DYNC2I2: variants seen among roughly 807,000 people sequenced by gnomAD.
The protein encoded by DYNC2I2 is dynein 2 intermediate chain 2.
Under a neutral mutation model 52.0 loss-of-function variants are expected in DYNC2I2, and 39 were observed. The ratio of observed to expected loss-of-function variants is 0.75; its 90% CI spans 0.58 to 0.98. The LOEUF (loss-of-function observed/expected upper bound fraction) is 0.98, where lower values mean the gene tolerates loss of function less well. Ranked by LOEUF, DYNC2I2 falls within the 50% of genes least tolerant of loss-of-function variation. The probability of loss-of-function intolerance (pLI) is 0.00; values close to 1 mark genes in which losing one functional copy is unlikely to be tolerated. For missense variants in DYNC2I2, 743 were observed against 728.4 expected, an observed-to-expected ratio of 1.02 and a Z score of -0.23; for synonymous variants, 359 against 321.1, an observed-to-expected ratio of 1.12 and a Z score of -1.26.
the DYNC2I2 span, among the ~76,000 whole-genome samples, chr9:128,681,666 C>G: frequency 6.6e-6 from 1 of 152,140 alleles, no homozygotes; most frequent in African/African-American, 2.4e-5. Flanking sequence ...CTTAGTTGTA[C>G]CAATCTACCT....
At chr9:128,652,447 AAAAAG>A (rs1299343303) in intron 1 of DYNC2I2, among the ~76,000 whole-genome samples, 1,605 of 148,308 alleles carry the variant, frequency 0.011, 25 homozygotes, top group African/African-American at 0.039. Flanking sequence ...AAAAAAAAAA[AAAAAG>A]AAAGAAAGAA....
chr9:128,657,812 AAAT>A (rs981966603), upstream of DYNC2I2, among the ~76,000 whole-genome samples: 2 of 152,120 alleles, frequency 1.3e-5, no homozygotes, highest in African/African-American at 4.8e-5. Flanking sequence ...ATCTCTAAAA[AAAT>A]AATAATAGGC....
chr9:128,684,104 T>A, the DYNC2I2 span: 5 of 951,588 alleles, frequency 5.3e-6, no homozygotes, highest in Admixed American at 2.4e-5. Context: ...ATGTGACCCC[T>A]AAGCACCCCC....
chr9:128,661,068 G>A (rs566281822), upstream of DYNC2I2, among the ~76,000 whole-genome samples: 9 of 151,996 alleles, frequency 5.9e-5, no homozygotes, highest in South Asian at 1.5e-3. Flanking sequence ...TGAGCCGGCC[G>A]CAATGTTTCA....
chr9:128,658,288 C>T (rs1229738416), upstream of DYNC2I2, among the ~76,000 whole-genome samples: 2 of 151,668 alleles, frequency 1.3e-5, no homozygotes, highest in African/African-American at 4.8e-5. Flanking sequence ...GCCTCAGCCT[C>T]CCAAGCAGCT....
At chr9:128,678,298 C>T in the DYNC2I2 span, among the ~76,000 whole-genome samples, 1 of 151,410 alleles carries the variant, frequency 6.6e-6, no homozygotes, top group African/African-American at 2.4e-5. Flanking sequence ...GAACTCCTGA[C>T]CTCAGGTGAT....
the DYNC2I2 span, among the ~76,000 whole-genome samples, chr9:128,675,491 C>A: frequency 6.6e-6 from 1 of 151,944 alleles, no homozygotes; most frequent in East Asian, 1.9e-4. Flanking sequence ...AGCCTTGATT[C>A]TTCATTTGGT....
the DYNC2I2 span, among the ~76,000 whole-genome samples, chr9:128,666,272 T>G: frequency 6.7e-6 from 1 of 149,846 alleles, no homozygotes; most frequent in Non-Finnish European, 1.5e-5. Context: ...ATTCCATCTA[T>G]TTGGGAGGCT....
At chr9:128,657,129 A>G (rs977138281), upstream of DYNC2I2, among the ~76,000 whole-genome samples, 7 of 152,210 alleles carry the variant, frequency 4.6e-5, no homozygotes, top group Admixed American at 2.0e-4. Flanking sequence ...TTCTTCCAGC[A>G]GATCCGAGAA....
At chr9:128,671,973 A>G in the DYNC2I2 span, among the ~76,000 whole-genome samples, 2 of 109,662 alleles carry the variant, frequency 1.8e-5, no homozygotes, top group African/African-American at 7.0e-5. Flanking sequence ...ATTTTTATTT[A>G]TTTATTTATT....
the DYNC2I2 span, among the ~76,000 whole-genome samples, chr9:128,673,648 G>A: frequency 7.9e-5 from 12 of 151,882 alleles, 1 homozygote; most frequent in East Asian, 1.2e-3. Context: ...TGGAACTACA[G>A]GCACCAGCCA....
chr9:128,653,619 G>A lies in DYNC2I2; in HGVS notation c.186+2922C>T, dbSNP rs1860761315. ...TAGTCCCAGCTACTCGGGAAGCTGAGGCAGGAGAATCGCTTGAAGCCGGGA... is the reference window on the plus strand; with the variant it reads ...TAGTCCCAGCTACTCGGGAAGCTGAAGCAGGAGAATCGCTTGAAGCCGGGA... On this transcript the variant is annotated intron_variant, in intron 1 of 8. Transcript: ENST00000372715. 1.3e-5 allele frequency among the ~76,000 whole-genome samples: 2 copies of A among 151,156 alleles called. 1 individual carries two copies. The highest frequency in any genetic ancestry group is 1.3e-4 in the Admixed American group (2 of 15,234).
At chr9:128,635,362 T>G in intron 5 of DYNC2I2, 103 bp from the exon 6 acceptor site, 4 of 1,384,366 alleles carry the variant, frequency 2.9e-6, no homozygotes, top group Non-Finnish European at 3.9e-6. Context: ...AAAAAAATTC[T>G]CCGGGAGGCC....
At chr9:128,682,776 C>G in the DYNC2I2 span, among the ~76,000 whole-genome samples, 1 of 146,432 alleles carries the variant, frequency 6.8e-6, no homozygotes, top group Non-Finnish European at 1.5e-5. Flanking sequence ...CCCGGGTTCA[C>G]ACCATTCTCC....
chr9:128,649,268 A>C (rs916464570), intron 1 of DYNC2I2, among the ~76,000 whole-genome samples: 26 of 151,972 alleles, frequency 1.7e-4, no homozygotes, highest in African/African-American at 6.0e-4. Flanking sequence ...ACAAAGCAAG[A>C]CCTCTGACTC....
chr9:128,635,373 C>T, intron 5 of DYNC2I2, 114 bp from the exon 6 acceptor site: 2 of 1,348,722 alleles, frequency 1.5e-6, no homozygotes, highest in Non-Finnish European at 9.9e-7. Context: ...CCGGGAGGCC[C>T]CAGAACCAGG....
At chr9:128,670,467 G>A in the DYNC2I2 span, among the ~76,000 whole-genome samples, 1 of 151,844 alleles carries the variant, frequency 6.6e-6, no homozygotes, top group East Asian at 1.9e-4. Context: ...GCCAAACACA[G>A]TGGCTTACAC....
At chr9:128,665,035 AT>A in the DYNC2I2 span, among the ~76,000 whole-genome samples, 9 of 150,828 alleles carry the variant, frequency 6.0e-5, no homozygotes, top group South Asian at 2.1e-4. Context: ...ATAACTGTGA[AT>A]TTTTTTTCTT....
At chr9:128,642,561 G>C (rs892713785) in intron 1 of DYNC2I2, among the ~76,000 whole-genome samples, 2 of 151,696 alleles carry the variant, frequency 1.3e-5, no homozygotes, top group Non-Finnish European at 2.9e-5. Flanking sequence ...ACAAGGTCAG[G>C]AGATCGAGAC....
Sources: gnomAD v4.1 joint callset for allele counts (sites outside exome capture counted in the v4.1 genomes callset) on GRCh38, gnomAD v4.1.1 for gene constraint, MANE v1.5 for transcripts, NCBI Gene and HGNC (gene_info 2026-07-23, HGNC 2026-07-21) for gene names.